The following ANK3 variants were observed in gnomAD, a reference collection of about 807,000 sequenced individuals.
ANK3 encodes ankyrin 3, also known as ankyrin-3.
In ANK3, 57 loss-of-function variants were observed where a neutral mutation model predicts 370.9. That is an observed-to-expected ratio of 0.15 (90% confidence interval 0.12 to 0.19). The LOEUF (loss-of-function observed/expected upper bound fraction) is 0.19, where lower values mean the gene tolerates loss of function less well. Among genes scored for constraint, ANK3 ranks in the 10% least tolerant of loss-of-function variants. ANK3 has a pLI of 1.00. For synonymous variants in ANK3, 1,929 were observed against 1,946.3 expected (o/e 0.99, Z 0.23); for missense variants, 4,439 against 5,302.1 (o/e 0.84, Z 5.06).
intron 5 of ANK3, among the ~76,000 whole-genome samples, chr10:60,264,971 T>A (rs1035850065): frequency 6.6e-6 from 1 of 151,964 alleles, no homozygotes; most frequent in African/African-American, 2.4e-5. Flanking sequence ...TATTGTCTTT[T>A]TTCTTTTTAA....
At chr10:60,147,508 G>A (rs891748338) in intron 23 of ANK3, among the ~76,000 whole-genome samples, 11 of 152,166 alleles carry the variant, frequency 7.2e-5, no homozygotes, top group Admixed American at 4.6e-4. Context: ...ATATGGTTTG[G>A]CTCTGTGTCC....
At chr10:60,325,206 T>A (rs2049539607) in intron 1 of ANK3, among the ~76,000 whole-genome samples, 1 of 152,232 alleles carries the variant, frequency 6.6e-6, no homozygotes, top group Non-Finnish European at 1.5e-5. Flanking sequence ...ATAAGGTTAC[T>A]GTTATTCCTA....
intron 1 of ANK3, among the ~76,000 whole-genome samples, chr10:60,708,084 C>T (rs2079645786): frequency 6.6e-6 from 1 of 152,162 alleles, no homozygotes; most frequent in Non-Finnish European, 1.5e-5. Context: ...TCCCAATGTA[C>T]AGGCTGTCAG....
intron 2 of ANK3, among the ~76,000 whole-genome samples, chr10:60,530,174 T>C (rs2076571760): frequency 6.6e-6 from 1 of 152,194 alleles, no homozygotes; most frequent in Non-Finnish European, 1.5e-5. Flanking sequence ...TTTTAGGAGA[T>C]GATGACTTGA....
chr10:60,606,468 T>C (rs1444176069), intron 2 of ANK3, among the ~76,000 whole-genome samples: 1 of 152,296 alleles, frequency 6.6e-6, no homozygotes, highest in East Asian at 1.9e-4. Flanking sequence ...GTATGGCTTG[T>C]ATATAAAAAG....
intron 1 of ANK3, among the ~76,000 whole-genome samples, chr10:60,637,681 C>T (rs1350554522): frequency 2.0e-5 from 3 of 152,048 alleles, no homozygotes; most frequent in African/African-American, 7.2e-5. Flanking sequence ...CATGGAGCCT[C>T]TTCAGGGTGA....
intron 2 of ANK3, among the ~76,000 whole-genome samples, chr10:60,403,065 A>T (rs2063384227): frequency 6.6e-6 from 1 of 152,234 alleles, no homozygotes; most frequent in Admixed American, 6.5e-5. Context: ...TATTATGAAC[A>T]ACTTTATGCT....
At chr10:60,218,093 C>CTTT (rs2096971270) in intron 8 of ANK3, among the ~76,000 whole-genome samples, 1 of 124,410 alleles carries the variant, frequency 8.0e-6, no homozygotes, top group African/African-American at 3.4e-5. Flanking sequence ...TTTTCTTTTT[C>CTTT]TTTCTTTTTT....
At chr10:60,332,528 C>T (rs1593946954) in intron 1 of ANK3, among the ~76,000 whole-genome samples, 1 of 152,128 alleles carries the variant, frequency 6.6e-6, no homozygotes. Flanking sequence ...TTTGTAGTCA[C>T]CTCCCAGTTG....
chr10:60,668,856 G>A (rs1314369341), intron 1 of ANK3, among the ~76,000 whole-genome samples: 3 of 152,104 alleles, frequency 2.0e-5, no homozygotes, highest in Non-Finnish European at 2.9e-5. Flanking sequence ...AGCCGGGCGC[G>A]GTGGCGTGCA....
chr10:60,166,599 A>G lies in ANK3; in HGVS notation c.2606T>C (p.Val869Ala), dbSNP rs1376541135. ...MLSDGEYISD[V>A]EEGEDAMTGD... ...TAAAAATTTACAAATACCTTCTTCA[A>G]CATCTGAGATATATTCGCCATCACT... The change falls in exon 23 of 44, where the codon GTT (valine) becomes GCT (alanine). Residue 869 changes from valine (V) to alanine (A), a missense_variant. Coordinates refer to ENST00000280772, the MANE Select transcript of ANK3 (RefSeq NM_020987.5). 2.5e-6 allele frequency: 4 copies of G among 1,613,410 alleles called. No homozygotes were observed. In the South Asian group the frequency reaches 3.3e-5, roughly 13 times the overall value.
intron 1 of ANK3, among the ~76,000 whole-genome samples, chr10:60,330,347 C>T (rs1593894303): frequency 6.6e-6 from 1 of 152,290 alleles, no homozygotes; most frequent in African/African-American, 2.4e-5. Flanking sequence ...GAACAGGCAG[C>T]TTACAGAATG....
chr10:60,410,085 G>A (rs970549014), intron 2 of ANK3, among the ~76,000 whole-genome samples: 5 of 152,014 alleles, frequency 3.3e-5, no homozygotes, highest in Admixed American at 2.6e-4. Context: ...TATTCTGATT[G>A]AGTAAACTCC....
intron 2 of ANK3, among the ~76,000 whole-genome samples, chr10:60,432,895 A>G (rs1273446714): frequency 6.6e-6 from 1 of 152,102 alleles, no homozygotes; most frequent in Non-Finnish European, 1.5e-5. Flanking sequence ...AACAAGTTGA[A>G]AATTTGACCC....
At chr10:60,284,513 C>T (rs1322182008) in intron 1 of ANK3, among the ~76,000 whole-genome samples, 2 of 152,110 alleles carry the variant, frequency 1.3e-5, no homozygotes, top group East Asian at 3.8e-4. Flanking sequence ...TGTTAATCAC[C>T]ATTCTAAGAA....
At chr10:60,061,989 G>A (rs1458397217) in intron 40 of ANK3, 1 of 152,160 alleles carries the variant, frequency 6.6e-6, no homozygotes, top group Non-Finnish European at 1.5e-5. Context: ...ATAGAGGCTG[G>A]GTGGGGTGGC....
At chr10:60,156,551 C>T (rs996704434) in intron 23 of ANK3, among the ~76,000 whole-genome samples, 3 of 152,002 alleles carry the variant, frequency 2.0e-5, no homozygotes, top group Non-Finnish European at 4.4e-5. Flanking sequence ...ACCGCATTAT[C>T]CCTCCCCCAA....
At chr10:60,422,889 G>A (rs1175708987) in intron 2 of ANK3, among the ~76,000 whole-genome samples, 1 of 151,950 alleles carries the variant, frequency 6.6e-6, no homozygotes, top group East Asian at 1.9e-4. Flanking sequence ...TTATACATAC[G>A]GAGAAAACAG....
chr10:60,282,900 C>T (rs954878350), intron 1 of ANK3, among the ~76,000 whole-genome samples: 2 of 152,142 alleles, frequency 1.3e-5, no homozygotes, highest in Non-Finnish European at 2.9e-5. Context: ...AAACTTACAT[C>T]TTAGGAAGAG....
Sources: gnomAD v4.1 joint callset for allele counts (sites outside exome capture counted in the v4.1 genomes callset) on GRCh38, gnomAD v4.1.1 for gene constraint, MANE v1.5 for transcripts, NCBI Gene and HGNC (gene_info 2026-07-23, HGNC 2026-07-21) for gene names.